The following CADM2 variants were observed in gnomAD, a reference collection of about 807,000 sequenced individuals.
CADM2 encodes cell adhesion molecule 2.
A neutral mutation model predicts 49.8 loss-of-function variants in CADM2; 12 were observed. That is an observed-to-expected ratio of 0.24 (90% CI 0.15 to 0.39). The LOEUF (loss-of-function observed/expected upper bound fraction) is 0.39. CADM2 is among the 10% of genes least tolerant of loss of function. The pLI is 1.00. For synonymous variants in CADM2, 214 were observed against 175.4 expected (o/e 1.22, Z -1.74); for missense variants, 378 against 492.3 (o/e 0.77, Z 2.20).
chr3:85,513,342 T>C (rs1014523094), intron 1 of CADM2, among the ~76,000 whole-genome samples: 1 of 151,920 alleles, frequency 6.6e-6, no homozygotes, highest in African/African-American at 2.4e-5. Flanking sequence ...CATTTTGCCT[T>C]CTCAGAAAAA....
rs985955380 is a variant in CADM2 at position 86,021,316 on chromosome 3, A to G, written c.971-44289A>G. On this transcript the variant is annotated intron_variant, in intron 8 of 9. Transcript: ENST00000383699. ...CACCTGGCCAAAACTGCTTTTTTGTATCCATCCACTTCAATTCCCCTTTCA... is the reference window on the plus strand; with the variant it reads ...CACCTGGCCAAAACTGCTTTTTTGTGTCCATCCACTTCAATTCCCCTTTCA... Among the ~76,000 whole-genome samples, 7 of 151,626 alleles carry G rather than the reference A, an allele frequency of 4.6e-5. No individual in the cohort carries two copies. The East Asian group carries it at 7.8e-4, about 17-fold the overall frequency.
At chr3:85,891,780 G>A (rs1341308456) in intron 5 of CADM2, among the ~76,000 whole-genome samples, 1 of 152,186 alleles carries the variant, frequency 6.6e-6, no homozygotes, top group Non-Finnish European at 1.5e-5. Context: ...TAGTCTCAAG[G>A]AAATTAATTT....
At chr3:84,999,821 A>G (rs1276126310) in intron 1 of CADM2, among the ~76,000 whole-genome samples, 1 of 152,150 alleles carries the variant, frequency 6.6e-6, no homozygotes, top group East Asian at 1.9e-4. Context: ...GAATGACTCT[A>G]CCACATATTT....
At chr3:85,481,813 G>GTT (rs62677260) in intron 1 of CADM2, among the ~76,000 whole-genome samples, 2 of 143,524 alleles carry the variant, frequency 1.4e-5, no homozygotes, top group Admixed American at 7.0e-5. Context: ...TTCATTCTTG[G>GTT]TTTTTTTTTT....
intron 1 of CADM2, among the ~76,000 whole-genome samples, chr3:85,427,000 T>G (rs754264970): frequency 2.6e-5 from 4 of 151,722 alleles, no homozygotes; most frequent in Non-Finnish European, 4.4e-5. Context: ...ATCCCACCTA[T>G]TTATCAAATT....
Position 85,628,738 on chromosome 3 carries a change from C to T in CADM2, c.62-97784C>T, listed in dbSNP as rs147733382. Among the ~76,000 whole-genome samples the T allele has an allele frequency of 2.1e-3, 317 of 150,088 alleles. 6 individuals are homozygous for T. Among genetic ancestry groups the T allele is most frequent in the East Asian group, 0.021 (106 of 5,106 alleles). On this transcript the variant is annotated intron_variant, in intron 1 of 9. Coordinates refer to ENST00000383699, the MANE Select transcript of CADM2 (RefSeq NM_001167675.2). ...CCTGTATAAATATTTATACACTATA[C>T]TCATACAGGTATCCTATAGCAAGAA...
At position 85,886,320 on chromosome 3, in the gene CADM2, G is replaced by A; in HGVS notation, c.522G>A (p.Glu174=). Residue 174 remains glutamate, a synonymous_variant, in exon 5 of 10, where the codon GAG becomes GAA. Coordinates refer to ENST00000383699, the MANE Select transcript of CADM2 (RefSeq NM_001167675.2). The part of the protein sequence containing the change: ...ADIRWFKNDK[E]IKDVKYLKEE... ...TAAGATGGTTCAAAAATGACAAAGA[G>A]ATTAAAGGTAAAGAATAGAAAAATG... is the stretch of plus-strand genomic sequence containing the variant. The A allele has an allele frequency of 6.2e-7, 1 of 1,609,284 alleles. No individual in the cohort carries two copies. Among genetic ancestry groups the A allele is most frequent in the Non-Finnish European group, 8.5e-7 (1 of 1,176,074 alleles).
intron 1 of CADM2, among the ~76,000 whole-genome samples, chr3:85,417,142 T>C (rs929192270): frequency 2.0e-5 from 3 of 152,154 alleles, no homozygotes; most frequent in Non-Finnish European, 4.4e-5. Context: ...AAGGTAAAGC[T>C]TTGGGTTTTA....
intron 1 of CADM2, among the ~76,000 whole-genome samples, chr3:85,292,797 G>A (rs538879813): frequency 1.3e-3 from 197 of 152,296 alleles, no homozygotes; most frequent in African/African-American, 4.2e-3. Flanking sequence ...GCAGTGTGTA[G>A]AGGGAAATTT....
chr3:84,961,249 A>T (rs1403925171), intron 1 of CADM2, among the ~76,000 whole-genome samples: 1 of 152,192 alleles, frequency 6.6e-6, no homozygotes, highest in Non-Finnish European at 1.5e-5. Context: ...CGGGATATAG[A>T]CTGGGGACCG....
intron 1 of CADM2, among the ~76,000 whole-genome samples, chr3:85,369,285 A>G (rs937756937): frequency 2.0e-5 from 3 of 152,224 alleles, no homozygotes; most frequent in African/African-American, 7.2e-5. Flanking sequence ...CATGCATCAC[A>G]TAACATTTCA....
At chr3:85,348,448 A>G (rs1347089653) in intron 1 of CADM2, among the ~76,000 whole-genome samples, 1 of 152,262 alleles carries the variant, frequency 6.6e-6, no homozygotes, top group Non-Finnish European at 1.5e-5. Flanking sequence ...CAAGTTACAC[A>G]TAAAAGTAAC....
chr3:85,575,774 G>A (rs952228161), intron 1 of CADM2, among the ~76,000 whole-genome samples: 2 of 152,044 alleles, frequency 1.3e-5, no homozygotes, highest in Non-Finnish European at 2.9e-5. Flanking sequence ...AAAGGAAGGG[G>A]AACTGTGTAT....
At chr3:85,891,550 C>T (rs1714436531) in intron 5 of CADM2, among the ~76,000 whole-genome samples, 1 of 152,146 alleles carries the variant, frequency 6.6e-6, no homozygotes, top group African/African-American at 2.4e-5. Flanking sequence ...CTTTTGAGTT[C>T]ATCAAAGGGT....
chr3:85,863,673 A>G (rs1172051922), intron 3 of CADM2, among the ~76,000 whole-genome samples: 1 of 152,186 alleles, frequency 6.6e-6, no homozygotes, highest in Non-Finnish European at 1.5e-5. Context: ...CATTTTCTCT[A>G]TAAATTACCC....
intron 1 of CADM2, among the ~76,000 whole-genome samples, chr3:85,505,452 A>G (rs1472826371): frequency 2.0e-5 from 3 of 152,172 alleles, no homozygotes; most frequent in African/African-American, 4.8e-5. Flanking sequence ...TTGAGACCTT[A>G]GGTAAAGTTC....
At chr3:85,233,100 C>T (rs886933497) in intron 1 of CADM2, among the ~76,000 whole-genome samples, 10 of 151,950 alleles carry the variant, frequency 6.6e-5, no homozygotes, top group African/African-American at 2.4e-4. Context: ...CATGGGAAAA[C>T]CTTAACTGCA....
At chr3:84,968,497 A>G (rs2031180682) in intron 1 of CADM2, among the ~76,000 whole-genome samples, 1 of 152,030 alleles carries the variant, frequency 6.6e-6, no homozygotes, top group Non-Finnish European at 1.5e-5. Flanking sequence ...TCAGAGAAGG[A>G]TGTTTCTGAA....
At chr3:85,784,114 T>A (rs2108004864) in intron 2 of CADM2, among the ~76,000 whole-genome samples, 1 of 152,296 alleles carries the variant, frequency 6.6e-6, no homozygotes, top group Middle Eastern at 3.4e-3. Context: ...AAAGTAATAG[T>A]TGTATTCAAA....
Sources: allele counts gnomAD v4.1 joint callset (sites outside exome capture counted in the v4.1 genomes callset), GRCh38; gene constraint gnomAD v4.1.1; transcripts MANE v1.5; gene names NCBI Gene and HGNC (gene_info 2026-07-23, HGNC 2026-07-21).